The following EFNA5 variants were observed in gnomAD, a reference collection of about 807,000 sequenced individuals.
The protein encoded by EFNA5 is ephrin-A5.
EFNA5 carries 5 observed loss-of-function variants against 22.9 expected under a neutral mutation model. The ratio of observed to expected loss-of-function variants is 0.22; its 90% CI spans 0.11 to 0.46. The LOEUF is 0.46. Among genes scored for constraint, EFNA5 ranks in the 20% least tolerant of loss-of-function variants. The pLI is 0.99. For missense variants in EFNA5, 237 were observed against 293.3 expected (o/e 0.81, Z 1.40); for synonymous variants, 113 against 112.2 (o/e 1.01, Z -0.04).
chr5:107,569,596 T>TATATATATATATATATATATATATA (rs1580535500), intron 1 of EFNA5, among the ~76,000 whole-genome samples: 1 of 136,260 alleles, frequency 7.3e-6, no homozygotes, highest in Non-Finnish European at 1.6e-5. Flanking sequence ...TATATATATA[T>TATATATATATATATATATATATATA]TCCCAGCTCT....
At chr5:107,398,854 C>CAAAAAAA (rs1214380627) in intron 2 of EFNA5, among the ~76,000 whole-genome samples, 3 of 65,032 alleles carry the variant, frequency 4.6e-5, no homozygotes, top group Non-Finnish European at 6.3e-5. Flanking sequence ...GACACTGCCT[C>CAAAAAAA]AAAAAAAAAA....
At chr5:107,619,194 G>A (rs896596662) in intron 1 of EFNA5, among the ~76,000 whole-genome samples, 4 of 151,620 alleles carry the variant, frequency 2.6e-5, no homozygotes, top group Non-Finnish European at 5.9e-5. Flanking sequence ...CAAAGTGCTG[G>A]GATTACAGGT....
intron 2 of EFNA5, among the ~76,000 whole-genome samples, chr5:107,407,110 A>G (rs114335921): frequency 0.012 from 1,771 of 152,346 alleles, 31 homozygotes; most frequent in African/African-American, 0.039. Flanking sequence ...AAAAACTTAT[A>G]CTAATAACTT....
At chr5:107,622,902 T>A (rs1473586951) in intron 1 of EFNA5, among the ~76,000 whole-genome samples, 1 of 150,936 alleles carries the variant, frequency 6.6e-6, no homozygotes, top group Non-Finnish European at 1.5e-5. Context: ...GCGCCTGTAG[T>A]CCCAGCTACT....
chr5:107,400,155 T>C (rs984138466), intron 2 of EFNA5, among the ~76,000 whole-genome samples: 2 of 152,156 alleles, frequency 1.3e-5, no homozygotes, highest in African/African-American at 4.8e-5. Flanking sequence ...TAAAATGTTT[T>C]AAAGTCTATT....
chr5:107,434,755 A>AATGT (rs1749062056), intron 1 of EFNA5, among the ~76,000 whole-genome samples: 1 of 152,152 alleles, frequency 6.6e-6, no homozygotes, highest in Non-Finnish European at 1.5e-5. Flanking sequence ...ATCCCCCTTC[A>AATGT]CATTATGTTT....
intron 1 of EFNA5, among the ~76,000 whole-genome samples, chr5:107,487,177 C>T (rs1278972996): frequency 6.6e-6 from 1 of 152,174 alleles, no homozygotes; most frequent in Non-Finnish European, 1.5e-5. Context: ...CCACATTCTG[C>T]TCTGCCTCCA....
intron 1 of EFNA5, among the ~76,000 whole-genome samples, chr5:107,430,942 A>AT (rs1190348535): frequency 6.6e-6 from 1 of 151,552 alleles, no homozygotes; most frequent in African/African-American, 2.4e-5. Flanking sequence ...CACCCAGTTG[A>AT]TTTTTGTATT....
intron 1 of EFNA5, among the ~76,000 whole-genome samples, chr5:107,453,246 G>T (rs776248202): frequency 9.2e-5 from 14 of 152,052 alleles, no homozygotes; most frequent in Non-Finnish European, 1.8e-4. Context: ...GATATTAAAA[G>T]AATTGATAAA....
At chr5:107,481,777 G>A (rs1007555780) in intron 1 of EFNA5, among the ~76,000 whole-genome samples, 2 of 151,498 alleles carry the variant, frequency 1.3e-5, no homozygotes, top group African/African-American at 4.9e-5. Context: ...TTGAACCCGG[G>A]AGGCAGAGGT....
chr5:107,644,646 A>T (rs1367510796), intron 1 of EFNA5, among the ~76,000 whole-genome samples: 1 of 152,194 alleles, frequency 6.6e-6, no homozygotes, highest in Non-Finnish European at 1.5e-5. Flanking sequence ...TCAAGAGTTT[A>T]AGAAGTGAAT....
At chr5:107,653,245 C>T (rs1208680937) in intron 1 of EFNA5, among the ~76,000 whole-genome samples, 1 of 152,148 alleles carries the variant, frequency 6.6e-6, no homozygotes, top group East Asian at 1.9e-4. Context: ...AGACAAGCAG[C>T]TTTGTGTACC....
At chr5:107,458,631 A>T (rs1421793871) in intron 1 of EFNA5, among the ~76,000 whole-genome samples, 2 of 152,120 alleles carry the variant, frequency 1.3e-5, no homozygotes, top group Admixed American at 1.3e-4. Flanking sequence ...TTATAAAAAA[A>T]AATTGTGATA....
chr5:107,645,472 TG>T (rs1316395633), intron 1 of EFNA5, among the ~76,000 whole-genome samples: 4 of 152,240 alleles, frequency 2.6e-5, no homozygotes, highest in African/African-American at 9.6e-5. Flanking sequence ...TAGCAAATCT[TG>T]GTATGTATAA....
chr5:107,546,353 A>T (rs958309167), intron 1 of EFNA5, among the ~76,000 whole-genome samples: 1 of 152,184 alleles, frequency 6.6e-6, no homozygotes, highest in Non-Finnish European at 1.5e-5. Flanking sequence ...AAGCAGAAAG[A>T]GGCTGGCTGA....
chr5:107,487,810 T>G (rs945142565), intron 1 of EFNA5, among the ~76,000 whole-genome samples: 1 of 152,220 alleles, frequency 6.6e-6, no homozygotes, highest in East Asian at 1.9e-4. Flanking sequence ...GTATCCCCTA[T>G]AGCAACAAGC....
chr5:107,537,233 C>A (rs368265982), intron 1 of EFNA5, among the ~76,000 whole-genome samples: 2 of 152,140 alleles, frequency 1.3e-5, no homozygotes, highest in South Asian at 4.2e-4. Flanking sequence ...GTGGCTCATA[C>A]CTGTAATCTC....
chr5:107,424,335 T>A (rs2112417747), intron 2 of EFNA5, among the ~76,000 whole-genome samples: 1 of 150,552 alleles, frequency 6.6e-6, no homozygotes, highest in African/African-American at 2.4e-5. Flanking sequence ...GCCTCCCAAG[T>A]AGCTGAGATT....
chr5:107,513,261 GGAGA>G (rs145077941), intron 1 of EFNA5, among the ~76,000 whole-genome samples: 1 of 150,778 alleles, frequency 6.6e-6, no homozygotes, highest in Non-Finnish European at 1.5e-5. Flanking sequence ...AGAGGGAGAG[GGAGA>G]GAGAGAGAGA....
Sources: gnomAD v4.1 joint callset for allele counts (sites outside exome capture counted in the v4.1 genomes callset) on GRCh38, gnomAD v4.1.1 for gene constraint, MANE v1.5 for transcripts, NCBI Gene and HGNC (gene_info 2026-07-23, HGNC 2026-07-21) for gene names.